Variants in MTSS1 observed in about 807,000 individuals in gnomAD.
The protein encoded by MTSS1 is protein MTSS 1.
A neutral mutation model predicts 79.0 loss-of-function variants in MTSS1; 18 were observed. The observed-to-expected ratio is 0.23, with a 90% CI of 0.16 to 0.34. MTSS1 has a LOEUF of 0.34. MTSS1 is among the 10% of genes least tolerant of loss of function. The probability of loss-of-function intolerance (pLI) is 1.00; values close to 1 mark genes in which losing one functional copy is unlikely to be tolerated. For missense variants in MTSS1, 815 were observed against 986.2 expected (o/e 0.83, Z 2.33); for synonymous variants, 341 against 368.6 (o/e 0.93, Z 0.86).
At chr8:124,689,746 CAAAAAAAA>C (rs35782850) in intron 3 of MTSS1, among the ~76,000 whole-genome samples, 1 of 94,332 alleles carries the variant, frequency 1.1e-5, no homozygotes, top group African/African-American at 4.1e-5. Context: ...AACTCCATCT[CAAAAAAAA>C]AAAAAAAAAA....
Position 124,683,200 on chromosome 8 carries a change from C to T in MTSS1, c.208+16326G>A, listed in dbSNP as rs546686446. 6.6e-6 allele frequency among the ~76,000 whole-genome samples: 1 copy of T among 151,130 alleles called. No individual in the cohort carries two copies. Among genetic ancestry groups the T allele is most frequent in the South Asian group, 2.1e-4 (1 of 4,784 alleles). On this transcript the variant is annotated intron_variant, in intron 3 of 13. Coordinates refer to ENST00000518547, the MANE Select transcript of MTSS1 (RefSeq NM_014751.6). The surrounding 1 kb of genome is among the most constrained non-coding windows in gnomAD (Gnocchi z 4.5). ...AGTTTCTTATACACAAATGTTTTAA[C>T]GTTTAATGTGTAATGTTTAACATGT...
intron 3 of MTSS1, among the ~76,000 whole-genome samples, chr8:124,659,192 TA>T (rs1821545097): frequency 6.6e-6 from 1 of 152,100 alleles, no homozygotes; most frequent in Admixed American, 6.6e-5. Flanking sequence ...TAATGCACAA[TA>T]AAAAGTGCAT....
At chr8:124,608,521 G>T (rs1414970726) in intron 3 of MTSS1, among the ~76,000 whole-genome samples, 1 of 152,226 alleles carries the variant, frequency 6.6e-6, no homozygotes, top group African/African-American at 2.4e-5. Context: ...TATTGTGCAT[G>T]TTCAGGTTGC....
chr8:124,719,664 T>C (rs1031404500), intron 1 of MTSS1, among the ~76,000 whole-genome samples: 2 of 152,234 alleles, frequency 1.3e-5, no homozygotes, highest in African/African-American at 4.8e-5. Flanking sequence ...TACTTATATG[T>C]TGAATGTTGA....
intron 3 of MTSS1, among the ~76,000 whole-genome samples, chr8:124,603,096 G>T (rs1834206014): frequency 6.6e-6 from 1 of 152,166 alleles, no homozygotes. Flanking sequence ...CACCATCTCA[G>T]CTCACCACAA....
intron 1 of MTSS1, among the ~76,000 whole-genome samples, chr8:124,713,208 T>A (rs775610855): frequency 1.2e-4 from 19 of 152,124 alleles, no homozygotes; most frequent in Non-Finnish European, 2.5e-4. Context: ...ACACAGAACA[T>A]CTCTACCACT....
At chr8:124,579,349 T>C (rs6991135) in intron 6 of MTSS1, among the ~76,000 whole-genome samples, 100,703 of 152,014 alleles carry the variant, frequency 0.66, 33,595 homozygotes, top group Non-Finnish European at 0.69. Flanking sequence ...AGGGTCAGCG[T>C]GGGTGGGGAG....
intron 3 of MTSS1, among the ~76,000 whole-genome samples, chr8:124,606,554 C>A (rs934460673): frequency 6.6e-6 from 1 of 152,170 alleles, no homozygotes; most frequent in Non-Finnish European, 1.5e-5. Context: ...ACATCCAGGG[C>A]TGAGTCGATA....
intron 6 of MTSS1, among the ~76,000 whole-genome samples, chr8:124,570,502 T>C (rs1207228306): frequency 6.6e-6 from 1 of 152,224 alleles, no homozygotes; most frequent in Non-Finnish European, 1.5e-5. Context: ...GTTCTATTAT[T>C]ATTGTTGTTA....
chr8:124,564,990 T>C (rs756528230), intron 9 of MTSS1, among the ~76,000 whole-genome samples: 2 of 152,208 alleles, frequency 1.3e-5, no homozygotes, highest in African/African-American at 4.8e-5. Flanking sequence ...CCAAGAGAGA[T>C]AGATGGTACA....
At chr8:124,713,424 C>A (rs1256682511) in intron 1 of MTSS1, among the ~76,000 whole-genome samples, 1 of 152,164 alleles carries the variant, frequency 6.6e-6, no homozygotes, top group Non-Finnish European at 1.5e-5. Context: ...AACTCATTCC[C>A]CAATTTTGGG....
chr8:124,618,119 GC>G (rs1812765787), intron 3 of MTSS1, among the ~76,000 whole-genome samples: 1 of 152,114 alleles, frequency 6.6e-6, no homozygotes. Context: ...TAAGGAACCT[GC>G]CTGGGGTCAC....
intron 3 of MTSS1, among the ~76,000 whole-genome samples, chr8:124,605,588 T>TCGCTGGGCTCCCTCCCTGCCCTCG (rs1834670579): frequency 8.7e-6 from 1 of 114,486 alleles, no homozygotes; most frequent in African/African-American, 3.6e-5. Flanking sequence ...CCCTGCCCTC[T>TCGCTGGGCTCCCTCCCTGCCCTCG]CGCTGCCTCC....
chr8:124,557,831 G>T lies in MTSS1; in HGVS notation c.1080C>A (p.His360Gln), dbSNP rs372101575. 1 of 1,602,698 alleles carries T rather than the reference G, an allele frequency of 6.2e-7. No homozygotes were observed. Among genetic ancestry groups the T allele is most frequent in the East Asian group, 2.3e-5 (1 of 44,414 alleles). ...FSHYSLSSES[H>Q]VGPTGAGLFP... Reference sequence around the variant, plus strand: ...AAAGGCCTGCACCCGTGGGCCCCACGTGGGACTCACTTGATAAACTATAGT... The same window carrying T: ...AAAGGCCTGCACCCGTGGGCCCCACTTGGGACTCACTTGATAAACTATAGT... The change falls in exon 11 of 14, where the codon CAC (histidine) becomes CAA (glutamine). Residue 360 changes from histidine (H) to glutamine (Q), a missense_variant. Physicochemically the swap from His to Gln is conservative, Grantham distance 24. Transcript: ENST00000518547.
intron 3 of MTSS1, among the ~76,000 whole-genome samples, chr8:124,639,241 G>T (rs190941119): frequency 6.6e-6 from 1 of 152,056 alleles, no homozygotes; most frequent in Non-Finnish European, 1.5e-5. Context: ...GGGAGGCTGC[G>T]GCAGGAGAAT....
At chr8:124,641,677 A>G (rs1191575928) in intron 3 of MTSS1, among the ~76,000 whole-genome samples, 1 of 152,184 alleles carries the variant, frequency 6.6e-6, no homozygotes, top group Admixed American at 6.5e-5. Flanking sequence ...AACTGTAAAA[A>G]TCCTTCAGTT....
Position 124,727,732 on chromosome 8 carries a change from G to A in MTSS1, c.72+152C>T, listed in dbSNP as rs1191400887. 2 of 693,768 alleles carry A rather than the reference G, an allele frequency of 2.9e-6. No individual in the cohort carries two copies. Among genetic ancestry groups the A allele is most frequent in the Non-Finnish European group, 5.0e-6 (2 of 401,494 alleles). The allele number at this position is 693,768 out of a possible 1,614,324, so 43.0% of individuals were successfully genotyped here. On this transcript the variant is annotated intron_variant, in intron 1 of 13. Transcript: ENST00000518547. The surrounding 1 kb of genome is among the most constrained non-coding windows in gnomAD (Gnocchi z 4.7). ...CAGAGCCCGGAGCAGCGCCCCGGGTGAGCAGGTGACACTCCGGCCGGGAGC... is the reference window on the plus strand; with the variant it reads ...CAGAGCCCGGAGCAGCGCCCCGGGTAAGCAGGTGACACTCCGGCCGGGAGC...
chr8:124,718,408 C>G (rs1832418227), intron 1 of MTSS1, among the ~76,000 whole-genome samples: 1 of 152,058 alleles, frequency 6.6e-6, no homozygotes, highest in Non-Finnish European at 1.5e-5. Context: ...GTCCCTCCAG[C>G]GGAGGCTCAG....
intron 3 of MTSS1, among the ~76,000 whole-genome samples, chr8:124,684,220 C>A (rs894263286): frequency 6.6e-6 from 1 of 152,220 alleles, no homozygotes; most frequent in African/African-American, 2.4e-5. Context: ...GTCTTTGTTG[C>A]ACATCAGAAT....
Sources: allele counts gnomAD v4.1 joint callset (sites outside exome capture counted in the v4.1 genomes callset), GRCh38; gene constraint gnomAD v4.1.1; non-coding constraint Gnocchi (gnomAD v3.1); transcripts MANE v1.5; gene names NCBI Gene and HGNC (gene_info 2026-07-23, HGNC 2026-07-21).